The following PRDM6 variants were observed in gnomAD, a reference collection of about 807,000 sequenced individuals.
PRDM6 encodes putative histone-lysine N-methyltransferase PRDM6.
PRDM6 carries 25 observed loss-of-function variants against 60.8 expected under a neutral mutation model. The ratio of observed to expected loss-of-function variants is 0.41; its 90% CI spans 0.30 to 0.57. The LOEUF is 0.57. PRDM6 is among the 20% of genes least tolerant of loss of function. PRDM6 has a pLI of 0.27. For missense variants in PRDM6, 839 were observed against 821.3 expected (o/e 1.02, Z -0.26); for synonymous variants, 407 against 357.4 (o/e 1.14, Z -1.57).
rs566020997 is a variant in PRDM6 at position 123,089,972 on chromosome 5, C to G, written c.-15-28C>G. On this transcript the variant is annotated intron_variant, in intron 1 of 7. Coordinates refer to ENST00000407847, the MANE Select transcript of PRDM6 (RefSeq NM_001136239.4). ...CGGCCCCTTTCGCCCAGCTCACGCG[C>G]CCCCTCTTCCCTGCCCTCTGCCCCC... 15 of 1,487,670 alleles carry G rather than the reference C, an allele frequency of 1.0e-5. No individual in the cohort carries two copies. The Admixed American group carries it at 3.0e-4, about 30-fold the overall frequency. 92.2% of individuals were successfully genotyped at this position (1,487,670 alleles called of 1,614,324 possible).
At chr5:123,135,603 C>A (rs768960749) in intron 3 of PRDM6, among the ~76,000 whole-genome samples, 13 of 152,116 alleles carry the variant, frequency 8.5e-5, no homozygotes, top group Non-Finnish European at 1.6e-4. Context: ...CCCTCCACCC[C>A]CTGCAACTCC....
chr5:123,135,477 AG>A (rs1414302377), intron 3 of PRDM6, among the ~76,000 whole-genome samples: 5 of 152,194 alleles, frequency 3.3e-5, no homozygotes, highest in Admixed American at 2.0e-4. Flanking sequence ...TGCATGTCCA[AG>A]GGCTGAGCTC....
chr5:123,171,252 C>G, intron 6 of PRDM6, 144 bp downstream of exon 6: 1 of 696,406 alleles, frequency 1.4e-6, no homozygotes, highest in East Asian at 2.7e-5. Context: ...AAATGCAAGA[C>G]CACTGCTTGA....
chr5:123,121,397 T>C (rs547362173), intron 3 of PRDM6, among the ~76,000 whole-genome samples: 1 of 152,220 alleles, frequency 6.6e-6, no homozygotes, highest in Non-Finnish European at 1.5e-5. Context: ...TGTTTTGCTT[T>C]TTTGAGACAG....
intron 3 of PRDM6, among the ~76,000 whole-genome samples, chr5:123,103,374 A>G (rs142988844): frequency 1.3e-5 from 2 of 152,152 alleles, no homozygotes; most frequent in African/African-American, 4.8e-5. Flanking sequence ...AAAACATTAC[A>G]AGGTGCATCA....
chr5:123,131,838 C>G (rs1213124951), intron 3 of PRDM6, among the ~76,000 whole-genome samples: 1 of 152,192 alleles, frequency 6.6e-6, no homozygotes, highest in Non-Finnish European at 1.5e-5. Context: ...ATGTCTGGTA[C>G]AGTGCCAAAT....
intron 3 of PRDM6, among the ~76,000 whole-genome samples, chr5:123,123,518 A>T (rs1764627553): frequency 6.6e-6 from 1 of 152,210 alleles, no homozygotes; most frequent in African/African-American, 2.4e-5. Flanking sequence ...GCTGCATTTC[A>T]TTGGTAGGCT....
intron 6 of PRDM6, among the ~76,000 whole-genome samples, chr5:123,172,473 G>A (rs1765914285): frequency 6.6e-6 from 1 of 152,088 alleles, no homozygotes; most frequent in South Asian, 2.1e-4. Flanking sequence ...AGTACTATTG[G>A]CGTAGAGGTG....
chr5:123,126,566 A>G (rs115919873), intron 3 of PRDM6, among the ~76,000 whole-genome samples: 1,737 of 152,332 alleles, frequency 0.011, 34 homozygotes, highest in African/African-American at 0.04. Context: ...GGGTTCTGAC[A>G]TGCTCTCAGA....
chr5:123,131,929 C>T (rs1186799629), intron 3 of PRDM6, among the ~76,000 whole-genome samples: 1 of 152,118 alleles, frequency 6.6e-6, no homozygotes, highest in African/African-American at 2.4e-5. Flanking sequence ...GTTGTTTAGC[C>T]TTTCTGTACC....
rs1387599061 is a variant in PRDM6 at position 123,090,333 on chromosome 5, G to A, written c.319G>A (p.Gly107Ser). Residue 107 changes from glycine to serine, a missense_variant, in exon 2 of 8, where the codon GGT becomes AGT. Around this residue, in one of 2 missense-constraint regions of PRDM6, gnomAD observed 730 missense variants for 648.8 expected, o/e 1.13. Coordinates refer to ENST00000407847, the MANE Select transcript of PRDM6 (RefSeq NM_001136239.4). ...AAAAAAAALA[G>S]LSALPVSQLP... ...TGCGGCCGCTGCCGCCGCGCTGGCT[G>A]GTCTCTCGGCCCTGCCGGTGTCGCA... The A allele has an allele frequency of 4.7e-6, 7 of 1,479,662 alleles. No individual in the cohort carries two copies. Among genetic ancestry groups the A allele is most frequent in the South Asian group, 1.3e-5 (1 of 78,614 alleles). The allele number at this position is 1,479,662 out of a possible 1,614,324, so 91.7% of individuals were successfully genotyped here. A position where few individuals can be genotyped will look rare whatever the true frequency, so the allele number is the denominator to read the frequency against.
chr5:123,090,648 CGCCGG>C (rs1763815019), intron 2 of PRDM6, 42 bp downstream of exon 2: 1 of 1,270,298 alleles, frequency 7.9e-7, no homozygotes, highest in Non-Finnish European at 1.0e-6. Context: ...GGGGCGCCGG[CGCCGG>C]CGCCGGCGGG....
Position 123,189,088 on chromosome 5 carries a change from CA to C in PRDM6, c.*1888del, listed in dbSNP as rs574588116. The stretch of plus-strand genomic sequence containing the variant: ...GTAAGGAATCTATGCTGCTGTATAA[CA>C]GTAGCTGATTGAAACTATTCTCTCT... On this transcript the variant is annotated 3_prime_UTR_variant, in exon 8 of 8. Coordinates refer to ENST00000407847, the MANE Select transcript of PRDM6 (RefSeq NM_001136239.4). The C allele has an allele frequency of 8.3e-4, 126 of 152,310 alleles. No homozygotes were observed. The highest frequency in any genetic ancestry group is 2.9e-3 in the African/African-American group (121 of 41,550). 9.4% of individuals were successfully genotyped at this position (152,310 alleles called of 1,614,324 possible). A position where few individuals can be genotyped will look rare whatever the true frequency, so the allele number is the denominator to read the frequency against.
chr5:123,172,841 A>G (rs62377010), intron 6 of PRDM6, among the ~76,000 whole-genome samples: 1 of 152,196 alleles, frequency 6.6e-6, no homozygotes, highest in Non-Finnish European at 1.5e-5. Context: ...AAACTATTTC[A>G]TGGTAGGTAG....
At chr5:123,119,010 GAAAC>G (rs1340732770) in intron 3 of PRDM6, among the ~76,000 whole-genome samples, 2 of 152,188 alleles carry the variant, frequency 1.3e-5, no homozygotes, top group African/African-American at 2.4e-5. Flanking sequence ...AAAAATGGAG[GAAAC>G]AAACAAAAAA....
intron 7 of PRDM6, among the ~76,000 whole-genome samples, chr5:123,181,912 T>C (rs1766174045): frequency 6.6e-6 from 1 of 152,224 alleles, no homozygotes; most frequent in South Asian, 2.1e-4. Flanking sequence ...CCTCTTCTCC[T>C]CAATAATTAG....
rs1278328314 is a variant in PRDM6, at chr5:123,187,899, G to C, written c.*698G>C. On this transcript the variant is annotated 3_prime_UTR_variant, in exon 8 of 8. Coordinates refer to ENST00000407847, the MANE Select transcript of PRDM6 (RefSeq NM_001136239.4). ...AAAAGTTGAGGACTTATTTTGTCCT[G>C]TCAAGATTGCAAGAACATGTAAAAT... 3 of 152,054 alleles carry C rather than the reference G, an allele frequency of 2.0e-5. No individual in the cohort carries two copies. Among genetic ancestry groups the C allele is most frequent in the Non-Finnish European group, 4.4e-5 (3 of 68,044 alleles). The allele number at this position is 152,054 out of a possible 1,614,324, so 9.4% of individuals were successfully genotyped here.
intron 7 of PRDM6, among the ~76,000 whole-genome samples, chr5:123,185,332 T>C (rs1766261544): frequency 6.6e-6 from 1 of 152,140 alleles, no homozygotes. Context: ...AGGAATATAA[T>C]AATTTGAAAG....
At chr5:123,153,392 T>A (rs767250387) in intron 3 of PRDM6, among the ~76,000 whole-genome samples, 1 of 152,166 alleles carries the variant, frequency 6.6e-6, no homozygotes, top group Non-Finnish European at 1.5e-5. Context: ...TCAACTGGAT[T>A]TGATGATGGC....
Sources: allele counts gnomAD v4.1 joint callset (sites outside exome capture counted in the v4.1 genomes callset), GRCh38; gene constraint gnomAD v4.1.1; regional missense constraint gnomAD v4.1.1; transcripts MANE v1.5; gene names NCBI Gene and HGNC (gene_info 2026-07-23, HGNC 2026-07-21).